ZBTB40: variants seen among roughly 807,000 people sequenced by gnomAD.
ZBTB40 encodes the protein zinc finger and BTB domain containing 40.
ZBTB40 carries 60 observed loss-of-function variants against 117.5 expected under a neutral mutation model. The observed-to-expected ratio is 0.51, with a 90% CI of 0.41 to 0.63. The LOEUF (loss-of-function observed/expected upper bound fraction) is 0.63. Among genes scored for constraint, ZBTB40 ranks in the 30% least tolerant of loss-of-function variants. The pLI is 0.00. For missense variants in ZBTB40, 1,287 were observed against 1,498.5 expected (o/e 0.86, Z 2.33); for synonymous variants, 525 against 577.1 (o/e 0.91, Z 1.29).
Position 22,508,674 on chromosome 1 carries a change from G to A in ZBTB40, c.1642G>A (p.Asp548Asn), listed in dbSNP as rs1639142406. The part of the protein sequence containing the change: ...VVQETKTCPL[D>N]LLMEEIRREP... ...TCAGGAGACAAAGACCTGTCCATTG[G>A]ACCTGCTCATGGAGGAAATACGAAG... The change falls in exon 8 of 18, where the codon GAC becomes AAC. Residue 548 changes from aspartate (D) to asparagine (N), a missense_variant. By Grantham distance (23) the Asp-to-Asn change is conservative. Transcript: ENST00000375647. 2 of 1,614,064 alleles carry A rather than the reference G, an allele frequency of 1.2e-6. No individual in the cohort carries two copies. The highest frequency in any genetic ancestry group is 3.3e-5 in the Admixed American group (2 of 60,012).
At chr1:22,447,943 A>C (rs931490572), upstream of ZBTB40, among the ~76,000 whole-genome samples, 4 of 152,220 alleles carry the variant, frequency 2.6e-5, no homozygotes, top group Admixed American at 2.0e-4. Context: ...TACTCGAACA[A>C]ATAAAAAGCA....
At chr1:22,492,741 G>T (rs1022955603) in intron 3 of ZBTB40, among the ~76,000 whole-genome samples, 8 of 152,196 alleles carry the variant, frequency 5.3e-5, no homozygotes, top group African/African-American at 1.9e-4. Flanking sequence ...TGGGAGACAA[G>T]CTATTTACAA....
At chr1:22,457,127 T>C (rs1327827232) in intron 1 of ZBTB40, among the ~76,000 whole-genome samples, 1 of 145,370 alleles carries the variant, frequency 6.9e-6, no homozygotes, top group Non-Finnish European at 1.6e-5. Context: ...TGTCTCTATT[T>C]TTTTTTTTTA....
At chr1:22,495,493 G>GT (rs904595264) in intron 3 of ZBTB40, among the ~76,000 whole-genome samples, 47 of 151,758 alleles carry the variant, frequency 3.1e-4, no homozygotes, top group African/African-American at 8.9e-4. Flanking sequence ...TTTGTGCTAG[G>GT]TTTTTTTTGT....
At position 22,530,908 on chromosome 1, in the gene ZBTB40, G is replaced by A. The variant is rs1430493948; in HGVS notation, c.*4512G>A. The A allele has an allele frequency of 6.6e-6, 1 of 152,104 alleles. No individual in the cohort carries two copies. The highest frequency in any genetic ancestry group is 1.9e-4 in the East Asian group (1 of 5,192). 9.4% of individuals were successfully genotyped at this position (152,104 alleles called of 1,614,324 possible). A position where few individuals can be genotyped will look rare whatever the true frequency, so the allele number is the denominator to read the frequency against. On this transcript the variant is annotated 3_prime_UTR_variant, in exon 18 of 18. Transcript: ENST00000375647. ...CCTCCTTCCCAGGGAGCAAGTGTGG[G>A]GCAGGGTTTCAGAGCACAGGCTTTG...
At chr1:22,445,734 A>T (rs1640780889) in intron 1 of ZBTB40, among the ~76,000 whole-genome samples, 1 of 151,994 alleles carries the variant, frequency 6.6e-6, no homozygotes, top group Non-Finnish European at 1.5e-5. Flanking sequence ...GCACACCTGT[A>T]GTCTCAGCTA....
chr1:22,483,089 A>AC (rs1638372294), intron 1 of ZBTB40, among the ~76,000 whole-genome samples: 1 of 151,960 alleles, frequency 6.6e-6, no homozygotes, highest in African/African-American at 2.4e-5. Context: ...AAAAAAAAAA[A>AC]AAAAGAAATA....
intron 1 of ZBTB40, among the ~76,000 whole-genome samples, chr1:22,466,666 T>G (rs1354165756): frequency 6.6e-6 from 1 of 152,086 alleles, no homozygotes; most frequent in Non-Finnish European, 1.5e-5. Flanking sequence ...GTTCATGTAC[T>G]TACTGGCCAC....
At chr1:22,512,367 C>G (rs1639263223) in intron 11 of ZBTB40, among the ~76,000 whole-genome samples, 1 of 152,198 alleles carries the variant, frequency 6.6e-6, no homozygotes, top group Non-Finnish European at 1.5e-5. Flanking sequence ...TACTCTGTTG[C>G]ATTGTTATGA....
intron 12 of ZBTB40, among the ~76,000 whole-genome samples, chr1:22,515,331 G>A (rs1262990550): frequency 6.6e-6 from 1 of 152,252 alleles, no homozygotes; most frequent in African/African-American, 2.4e-5. Context: ...AAGCCAAGGT[G>A]AGGACTTTTG....
At chr1:22,466,471 C>T (rs1478259055) in intron 1 of ZBTB40, among the ~76,000 whole-genome samples, 2 of 152,180 alleles carry the variant, frequency 1.3e-5, no homozygotes, top group African/African-American at 4.8e-5. Context: ...CTGTTTTCCA[C>T]AGGGGTGGCA....
intron 1 of ZBTB40, among the ~76,000 whole-genome samples, chr1:22,431,384 G>GTGTGTGTGTGTGTA (rs1222294324): frequency 6.7e-5 from 8 of 119,696 alleles, no homozygotes; most frequent in African/African-American, 3.0e-4. Flanking sequence ...GTGTGTGTGT[G>GTGTGTGTGTGTGTA]TATATATATA....
chr1:22,514,159 G>A (rs1367488497), intron 12 of ZBTB40, among the ~76,000 whole-genome samples: 1 of 152,198 alleles, frequency 6.6e-6, no homozygotes, highest in Non-Finnish European at 1.5e-5. Context: ...AGTTGGAGGG[G>A]AGGAGGAGGT....
At chr1:22,474,961 G>A (rs899822371) in intron 1 of ZBTB40, among the ~76,000 whole-genome samples, 1 of 123,986 alleles carries the variant, frequency 8.1e-6, no homozygotes, top group African/African-American at 3.1e-5. Context: ...AAAAAAACAG[G>A]TAAGCTTGCA....
chr1:22,528,775 G>C lies in ZBTB40; in HGVS notation c.*2379G>C, dbSNP rs889710949. The C allele has an allele frequency of 6.6e-6, 1 of 151,286 alleles. No individual in the cohort carries two copies. Among genetic ancestry groups the C allele is most frequent in the Admixed American group, 6.6e-5 (1 of 15,190 alleles). The allele number at this position is 151,286 out of a possible 1,614,324, so 9.4% of individuals were successfully genotyped here. ...GGTTTAAAACTCCTGAGCTCAAGCA[G>C]TTCTCCCACCTGGGCCTCCCAAAGT... On this transcript the variant is annotated 3_prime_UTR_variant, in exon 18 of 18. Coordinates refer to ENST00000375647, the MANE Select transcript of ZBTB40 (RefSeq NM_014870.4).
At chr1:22,515,413 C>G (rs1415097839) in intron 12 of ZBTB40, among the ~76,000 whole-genome samples, 1 of 152,166 alleles carries the variant, frequency 6.6e-6, no homozygotes, top group Non-Finnish European at 1.5e-5. Context: ...CTAAAACAAC[C>G]CAAATATACT....
chr1:22,448,133 A>G (rs192071709), upstream of ZBTB40, among the ~76,000 whole-genome samples: 18 of 152,328 alleles, frequency 1.2e-4, no homozygotes, highest in East Asian at 1.7e-3. Context: ...AGCAAAACTG[A>G]GGAAAGAACC....
At chr1:22,514,778 T>C (rs996534789) in intron 12 of ZBTB40, among the ~76,000 whole-genome samples, 1 of 152,224 alleles carries the variant, frequency 6.6e-6, no homozygotes, top group African/African-American at 2.4e-5. Context: ...GCAAGTGTCA[T>C]GAGTGGCAAG....
intron 17 of ZBTB40, 119 bp downstream of exon 17, chr1:22,524,563 C>T: frequency 8.5e-7 from 1 of 1,177,176 alleles, no homozygotes; most frequent in Non-Finnish European, 1.2e-6. Flanking sequence ...GAGAGTCTCT[C>T]TGGACTTCTT....
Sources: allele counts gnomAD v4.1 joint callset (sites outside exome capture counted in the v4.1 genomes callset), GRCh38; gene constraint gnomAD v4.1.1; transcripts MANE v1.5; gene names NCBI Gene and HGNC (gene_info 2026-07-23, HGNC 2026-07-21).